PAX3: variants seen among roughly 807,000 people sequenced by gnomAD.
PAX3 encodes the protein paired box protein Pax-3.
A neutral mutation model predicts 51.6 loss-of-function variants in PAX3; 14 were observed. The observed-to-expected ratio is 0.27, with a 90% CI of 0.18 to 0.42. PAX3 has a LOEUF of 0.42. Among genes scored for constraint, PAX3 ranks in the 10% least tolerant of loss-of-function variants. The pLI is 1.00. For missense variants in PAX3, 540 were observed against 642.8 expected (o/e 0.84, Z 1.73); for synonymous variants, 280 against 253.4 (o/e 1.11, Z -1.00).
intron 4 of PAX3, among the ~76,000 whole-genome samples, chr2:222,244,005 T>C (rs1316185790): frequency 6.6e-6 from 1 of 152,144 alleles, no homozygotes; most frequent in African/African-American, 2.4e-5. Context: ...GGATAATGAA[T>C]GAGAAGAGAG....
At chr2:222,261,214 T>A (rs1172137627) in intron 4 of PAX3, among the ~76,000 whole-genome samples, 1 of 152,180 alleles carries the variant, frequency 6.6e-6, no homozygotes, top group Middle Eastern at 3.2e-3. Flanking sequence ...TGCCAGGATA[T>A]CCACAGCCAC....
chr2:222,258,870 T>C (rs1226208752), intron 4 of PAX3, among the ~76,000 whole-genome samples: 2 of 152,210 alleles, frequency 1.3e-5, no homozygotes, highest in Non-Finnish European at 1.5e-5. Flanking sequence ...AGTCTCTTAT[T>C]GGTGATGCTG....
Position 222,221,249 on chromosome 2 carries a change from A to T in PAX3, c.931T>A (p.Ser311Thr). The change falls in exon 6 of 9, where the codon TCT becomes ACT. Residue 311 changes from serine (S) to threonine (T), a missense_variant. Ser to Thr is a moderately conservative substitution (Grantham distance 58, BLOSUM62 1). Transcript: ENST00000392070. ...TGTGGAATAGATGTGGGCTGGTAAG[A>T]GGTCTCCGACAGCTGGTACGTTGGC... ...TLPTYQLSET[S>T]YQPTSIPQAV... The T allele has an allele frequency of 6.2e-7, 1 of 1,614,024 alleles. No individual in the cohort carries two copies. Among genetic ancestry groups the T allele is most frequent in the Non-Finnish European group, 8.5e-7 (1 of 1,179,924 alleles).
Position 222,224,902 on chromosome 2 carries a change from G to A in PAX3, c.793-3515C>T, listed in dbSNP as rs960136527. 7.2e-5 allele frequency among the ~76,000 whole-genome samples: 11 copies of A among 152,302 alleles called. No individual in the cohort carries two copies. In the East Asian group the frequency reaches 9.6e-4, roughly 13 times the overall value. ...AACAGAGGCAAACTGGCCTATGACTGATGTTCTAGGAGAGAACAGAAATTT... is the reference window on the plus strand; with the variant it reads ...AACAGAGGCAAACTGGCCTATGACTAATGTTCTAGGAGAGAACAGAAATTT... On this transcript the variant is annotated intron_variant, in intron 5 of 8. Transcript: ENST00000392070.
At chr2:222,266,113 G>A (rs1222779693) in intron 4 of PAX3, among the ~76,000 whole-genome samples, 1 of 151,998 alleles carries the variant, frequency 6.6e-6, no homozygotes, top group Non-Finnish European at 1.5e-5. Flanking sequence ...TATTTGTTTA[G>A]AACGGGAAAA....
chr2:222,293,246 C>A (rs938620991), intron 4 of PAX3, among the ~76,000 whole-genome samples: 2 of 152,220 alleles, frequency 1.3e-5, no homozygotes, highest in African/African-American at 2.4e-5. Context: ...GGGGCAACCA[C>A]CCCCAAGGCC....
intron 7 of PAX3, among the ~76,000 whole-genome samples, chr2:222,217,027 G>A (rs1691989176): frequency 6.6e-6 from 1 of 152,134 alleles, no homozygotes; most frequent in Non-Finnish European, 1.5e-5. Flanking sequence ...ATGATGACAC[G>A]TAAAGACAGA....
intron 7 of PAX3, among the ~76,000 whole-genome samples, chr2:222,202,606 A>AT (rs1253091348): frequency 6.6e-6 from 1 of 152,112 alleles, no homozygotes; most frequent in Non-Finnish European, 1.5e-5. Flanking sequence ...TTCACATGTG[A>AT]TTTTTAAACA....
At chr2:222,222,169 G>A (rs964929597) in intron 5 of PAX3, among the ~76,000 whole-genome samples, 1 of 151,988 alleles carries the variant, frequency 6.6e-6, no homozygotes, top group Admixed American at 6.6e-5. Flanking sequence ...ATGAGTCAAT[G>A]GAGAGAAAGG....
At chr2:222,246,585 GTGGATGGATGGA>G (rs370233011) in intron 4 of PAX3, among the ~76,000 whole-genome samples, 1 of 151,930 alleles carries the variant, frequency 6.6e-6, no homozygotes, top group African/African-American at 2.4e-5. Flanking sequence ...AGATGGATGG[GTGGATGGATGGA>G]TGGATGGATG....
intron 4 of PAX3, among the ~76,000 whole-genome samples, chr2:222,279,321 G>GTGTGTT (rs1694551581): frequency 6.6e-6 from 1 of 151,334 alleles, no homozygotes; most frequent in East Asian, 1.9e-4. Flanking sequence ...GTGTGTGTGT[G>GTGTGTT]TGTGTGTGTG....
At chr2:222,294,766 C>CA (rs1695200032) in intron 3 of PAX3, among the ~76,000 whole-genome samples, 1 of 119,948 alleles carries the variant, frequency 8.3e-6, no homozygotes, top group Non-Finnish European at 1.8e-5. Flanking sequence ...GCGCCCCCCC[C>CA]CACCCCCCCG....
At chr2:222,273,319 G>A (rs1402078898) in intron 4 of PAX3, among the ~76,000 whole-genome samples, 2 of 151,972 alleles carry the variant, frequency 1.3e-5, no homozygotes, top group Non-Finnish European at 2.9e-5. Context: ...CATGATTTTC[G>A]GGCTTGTGTG....
chr2:222,242,011 G>A (rs886210977), intron 4 of PAX3, among the ~76,000 whole-genome samples: 1 of 152,044 alleles, frequency 6.6e-6, no homozygotes, highest in Non-Finnish European at 1.5e-5. Context: ...ATCAGTGATC[G>A]AACAAAAAAT....
intron 8 of PAX3, 105 bp downstream of exon 8, chr2:222,201,839 C>T (rs888262810): frequency 1.9e-6 from 3 of 1,585,702 alleles, no homozygotes; most frequent in Non-Finnish European, 2.6e-6. Flanking sequence ...AAAATTGATA[C>T]CGGCATGTGT....
At chr2:222,276,546 G>C (rs1402401376) in intron 4 of PAX3, among the ~76,000 whole-genome samples, 1 of 152,202 alleles carries the variant, frequency 6.6e-6, no homozygotes, top group Non-Finnish European at 1.5e-5. Context: ...AGAGGTGGAT[G>C]GGGCCACAGC....
chr2:222,220,191 C>G lies in PAX3; in HGVS notation c.1122G>C (p.Ser374=), dbSNP rs748503320. ...TGGGGTTCATGGGGTTGGAGGGCCC[C>G]GACGGAGGCACAAAGCTGTCTGTAT... ...SSYTDSFVPP[S]GPSNPMNPTI... Residue 374 remains serine, a synonymous_variant, in exon 7 of 9, where the codon TCG becomes TCC. Coordinates refer to ENST00000392070, the MANE Select transcript of PAX3 (RefSeq NM_181458.4). The G allele has an allele frequency of 6.2e-7, 1 of 1,613,628 alleles. No homozygotes were observed. The highest frequency in any genetic ancestry group is 1.1e-5 in the South Asian group (1 of 91,058).
chr2:222,230,753 A>G (rs918101599), intron 5 of PAX3, among the ~76,000 whole-genome samples: 2 of 150,704 alleles, frequency 1.3e-5, no homozygotes, highest in African/African-American at 2.4e-5. Flanking sequence ...TACTTGGGAG[A>G]CTGAGTCAGG....
Position 222,220,328 on chromosome 2 carries a change from G to C in PAX3, c.985C>G (p.His329Asp), listed in dbSNP as rs1692143467. The C allele has an allele frequency of 1.2e-6, 2 of 1,614,062 alleles. No homozygotes were observed. Among genetic ancestry groups the C allele is most frequent in the East Asian group, 2.2e-5 (1 of 44,850 alleles). ...QAVSDPSSTV[H>D]RPQPLPPSTV... ...CTTGGAGGAAGCGGTTGAGGTCTGT[G>C]AACGGTGCTGCTGGGATCTGACACA... The change falls in exon 7 of 9, where the codon CAC (histidine) becomes GAC (aspartate). Residue 329 changes from histidine (H) to aspartate (D), a missense_variant. His to Asp is a moderately conservative substitution (Grantham distance 81). This residue lies in a region of PAX3 where 427 missense variants were observed against 483.6 expected (regional missense o/e 0.88). Transcript: ENST00000392070.
Sources: gnomAD v4.1 joint callset for allele counts (sites outside exome capture counted in the v4.1 genomes callset) on GRCh38, gnomAD v4.1.1 for gene constraint, gnomAD v4.1.1 regional missense constraint, MANE v1.5 for transcripts, NCBI Gene and HGNC (gene_info 2026-07-23, HGNC 2026-07-21) for gene names.